RASAL2: variants seen among roughly 807,000 people sequenced by gnomAD.
RASAL2 encodes RAS protein activator like 2, also known as ras GTPase-activating protein nGAP.
In RASAL2, 58 loss-of-function variants were observed where a neutral mutation model predicts 128.9. That is an observed-to-expected ratio of 0.45 (90% CI 0.36 to 0.56). The LOEUF is 0.56. RASAL2 is among the 20% of genes least tolerant of loss of function. The pLI, the probability that RASAL2 is intolerant of heterozygous loss-of-function variation, is 0.00. For synonymous variants in RASAL2, 561 were observed against 580.8 expected (o/e 0.97, Z 0.49); for missense variants, 1,360 against 1,601.6 (o/e 0.85, Z 2.57).
chr1:178,301,398 G>T (rs1175665400), intron 3 of RASAL2, among the ~76,000 whole-genome samples: 1 of 151,388 alleles, frequency 6.6e-6, no homozygotes, highest in Admixed American at 6.6e-5. Flanking sequence ...CAGTTCCTTT[G>T]CTTTCATTAT....
At chr1:178,148,190 CTT>C (rs11325242) in intron 1 of RASAL2, among the ~76,000 whole-genome samples, 1 of 144,916 alleles carries the variant, frequency 6.9e-6, no homozygotes, top group Non-Finnish European at 1.5e-5. Context: ...TCTTTGCTCA[CTT>C]TTTTTTTTTT....
chr1:178,209,088 A>G (rs1663166101), intron 1 of RASAL2, among the ~76,000 whole-genome samples: 1 of 151,298 alleles, frequency 6.6e-6, no homozygotes, highest in African/African-American at 2.4e-5. Flanking sequence ...TGTCTTTCAT[A>G]TTCTCATTTT....
chr1:178,163,530 G>T (rs1302222296), intron 1 of RASAL2, among the ~76,000 whole-genome samples: 1 of 152,086 alleles, frequency 6.6e-6, no homozygotes, highest in Non-Finnish European at 1.5e-5. Flanking sequence ...TGGATATCCT[G>T]TTAACCCAAC....
At chr1:178,365,630 C>A (rs911578628) in intron 3 of RASAL2, among the ~76,000 whole-genome samples, 2 of 152,090 alleles carry the variant, frequency 1.3e-5, no homozygotes, top group Admixed American at 1.3e-4. Context: ...CACCACTATG[C>A]CCAGGTAATT....
chr1:178,296,161 A>ATG (rs139623846), intron 2 of RASAL2, among the ~76,000 whole-genome samples: 27,314 of 139,102 alleles, frequency 0.2, 3,098 homozygotes, highest in African/African-American at 0.43. Flanking sequence ...GTGTATATAT[A>ATG]TGTGTGTGTG....
At chr1:178,307,276 TA>T (rs908471880) in intron 3 of RASAL2, among the ~76,000 whole-genome samples, 154 of 151,496 alleles carry the variant, frequency 1.0e-3, no homozygotes, top group East Asian at 2.3e-3. Flanking sequence ...TAATTACTTT[TA>T]AAAAAAAAAT....
chr1:178,458,335 G>C lies in RASAL2; in HGVS notation c.3043G>C (p.Asp1015His). 1 of 1,614,232 alleles carries C rather than the reference G, an allele frequency of 6.2e-7. No homozygotes were observed. Among genetic ancestry groups the C allele is most frequent in the Non-Finnish European group, 8.5e-7 (1 of 1,180,046 alleles). ...STGQAQIRKVDQGGLGARAKA... is the reference protein window; with the variant it reads ...STGQAQIRKVHQGGLGARAKA... ...TGGGCAGGCCCAGATCCGAAAAGTG[G>C]ACCAGGGTGGGTTAGGTGCCCGAGC... Residue 1015 changes from aspartate to histidine, a missense_variant, in exon 14 of 18, where the codon GAC becomes CAC. Physicochemically the swap from Asp to His is moderately conservative, Grantham distance 81. Coordinates refer to ENST00000367649, the MANE Select transcript of RASAL2 (RefSeq NM_170692.4).
chr1:178,099,977 A>G (rs1465813485), intron 1 of RASAL2, among the ~76,000 whole-genome samples: 1 of 152,086 alleles, frequency 6.6e-6, no homozygotes, highest in Non-Finnish European at 1.5e-5. Flanking sequence ...AAACAAAATC[A>G]TACCAAGTGG....
Position 178,473,274 on chromosome 1 carries a change from T to C in RASAL2, c.*35T>C. On this transcript the variant is annotated 3_prime_UTR_variant, in exon 18 of 18. Transcript: ENST00000367649. ...TCTGTGGAAGGAGACAGAAGGAAAT[T>C]GACCCACTCTCCTATCTCCAGACCT... is the stretch of plus-strand genomic sequence containing the variant. 6.2e-7 allele frequency: 1 copy of C among 1,611,974 alleles called. No homozygotes were observed. The highest frequency in any genetic ancestry group is 8.5e-7 in the Non-Finnish European group (1 of 1,178,246).
chr1:178,246,749 C>G (rs935078277), intron 1 of RASAL2, among the ~76,000 whole-genome samples: 1 of 152,052 alleles, frequency 6.6e-6, no homozygotes, highest in Non-Finnish European at 1.5e-5. Context: ...CCATCAATAC[C>G]TAGTTTATTG....
intron 3 of RASAL2, among the ~76,000 whole-genome samples, chr1:178,384,407 C>A (rs552854078): frequency 6.6e-6 from 1 of 152,238 alleles, no homozygotes; most frequent in African/African-American, 2.4e-5. Context: ...AATTTTGCCA[C>A]CATCCTCAGA....
chr1:178,360,368 A>G (rs1203105328), intron 3 of RASAL2, among the ~76,000 whole-genome samples: 2 of 152,206 alleles, frequency 1.3e-5, no homozygotes, highest in African/African-American at 4.8e-5. Flanking sequence ...TTCTCTAGCT[A>G]ACATTGGCCG....
Position 178,245,841 on chromosome 1 carries a change from T to C in RASAL2, c.203-37723T>C, listed in dbSNP as rs565538879. On this transcript the variant is annotated intron_variant, in intron 1 of 17. Transcript: ENST00000367649. ...AAATACGGAATCCTTTCCCCATTGC[T>C]TTTTTTGGTCAGGTTTGTCAAAGAT... Among the ~76,000 whole-genome samples the C allele has an allele frequency of 8.5e-5, 13 of 152,304 alleles. No homozygotes were observed. The East Asian group carries it at 1.9e-3, about 23-fold the overall frequency.
chr1:178,322,778 A>G lies in RASAL2; in HGVS notation c.457+22660A>G, dbSNP rs578163172. On this transcript the variant is annotated intron_variant, in intron 3 of 17. Coordinates refer to ENST00000367649, the MANE Select transcript of RASAL2 (RefSeq NM_170692.4). ...GTTTAAACACTTTTACTGTATCTCCACTGATCTATAAGATGAGGTTCAAAT... is the reference window on the plus strand; with the variant it reads ...GTTTAAACACTTTTACTGTATCTCCGCTGATCTATAAGATGAGGTTCAAAT... Among the ~76,000 whole-genome samples, 3 of 152,286 alleles carry G rather than the reference A, an allele frequency of 2.0e-5. No individual in the cohort carries two copies. In the East Asian group the frequency reaches 5.8e-4, roughly 29 times the overall value.
At chr1:178,389,317 G>A (rs1300972635) in intron 3 of RASAL2, 8 of 948,976 alleles carry the variant, frequency 8.4e-6, no homozygotes, top group East Asian at 1.2e-4. Flanking sequence ...GGTATAATAC[G>A]TATATATCTA....
intron 3 of RASAL2, among the ~76,000 whole-genome samples, chr1:178,346,716 C>G (rs1264066702): frequency 6.6e-6 from 1 of 152,140 alleles, no homozygotes. Flanking sequence ...CAATTAAACA[C>G]CTTACCATTC....
intron 1 of RASAL2, among the ~76,000 whole-genome samples, chr1:178,102,788 C>G (rs1658952515): frequency 6.6e-6 from 1 of 152,166 alleles, no homozygotes; most frequent in Admixed American, 6.5e-5. Context: ...TACTCTTCCT[C>G]CCTGCCTCTA....
chr1:178,448,513 AATC>A (rs1677167542), intron 9 of RASAL2, among the ~76,000 whole-genome samples: 5 of 152,144 alleles, frequency 3.3e-5, no homozygotes. Context: ...TTTTTTCTCT[AATC>A]ATATAGACAT....
Position 178,473,586 on chromosome 1 carries a change from C to T in RASAL2, c.*347C>T, listed in dbSNP as rs1389967624. Reference sequence around the variant, plus strand: ...CTTGTTGAAAGCACTGCAGTTGTTACAGGAAGTAAAGTAGGAACTGTTGTG... The same window carrying T: ...CTTGTTGAAAGCACTGCAGTTGTTATAGGAAGTAAAGTAGGAACTGTTGTG... On this transcript the variant is annotated 3_prime_UTR_variant, in exon 18 of 18. Transcript: ENST00000367649. The T allele has an allele frequency of 7.1e-6, 2 of 282,466 alleles. No homozygotes were observed. The highest frequency in any genetic ancestry group is 1.3e-5 in the Non-Finnish European group (2 of 148,168). The allele number at this position is 282,466 out of a possible 1,614,324, so 17.5% of individuals were successfully genotyped here.
Sources: gnomAD v4.1 joint callset for allele counts (sites outside exome capture counted in the v4.1 genomes callset) on GRCh38, gnomAD v4.1.1 for gene constraint, MANE v1.5 for transcripts, NCBI Gene and HGNC (gene_info 2026-07-23, HGNC 2026-07-21) for gene names.